Variants in CTNNBL1 observed in about 807,000 individuals in gnomAD.
CTNNBL1 encodes the protein catenin beta like 1.
In CTNNBL1, 31 loss-of-function variants were observed where a neutral mutation model predicts 72.7. That is an observed-to-expected ratio of 0.43 (90% CI 0.32 to 0.58). CTNNBL1 has a LOEUF of 0.58. Among genes scored for constraint, CTNNBL1 ranks in the 20% least tolerant of loss-of-function variants. The pLI, the probability that CTNNBL1 is intolerant of heterozygous loss-of-function variation, is 0.08. For synonymous variants in CTNNBL1, 240 were observed against 267.3 expected (o/e 0.90, Z 1.00); for missense variants, 534 against 725.1 (o/e 0.74, Z 3.03).
intron 4 of CTNNBL1, among the ~76,000 whole-genome samples, chr20:37,749,217 C>T (rs1416077048): frequency 6.6e-6 from 1 of 152,186 alleles, no homozygotes; most frequent in Non-Finnish European, 1.5e-5. Context: ...GCATGGTCAC[C>T]TGTTACCCTG....
chr20:37,784,724 A>G (rs532934976), intron 10 of CTNNBL1, among the ~76,000 whole-genome samples: 1 of 152,270 alleles, frequency 6.6e-6, no homozygotes, highest in South Asian at 2.1e-4. Context: ...AATTATTTTA[A>G]TAGGTTCATC....
At chr20:37,823,462 G>A (rs1158334903) in intron 11 of CTNNBL1, among the ~76,000 whole-genome samples, 1 of 152,228 alleles carries the variant, frequency 6.6e-6, no homozygotes, top group African/African-American at 2.4e-5. Flanking sequence ...GTGTGAGTGT[G>A]TGTGGAGCTC....
chr20:37,781,933 A>G (rs909003782), intron 10 of CTNNBL1, among the ~76,000 whole-genome samples: 4 of 152,262 alleles, frequency 2.6e-5, no homozygotes, highest in African/African-American at 9.6e-5. Context: ...GTGGGTTTGG[A>G]ACATGCTCTT....
intron 7 of CTNNBL1, among the ~76,000 whole-genome samples, chr20:37,773,492 G>T (rs545443633): frequency 1.2e-4 from 19 of 152,322 alleles, no homozygotes; most frequent in African/African-American, 4.6e-4. Context: ...CAGGCTCCTG[G>T]ATAGAAGAGA....
At chr20:37,747,276 G>A (rs980446439) in intron 4 of CTNNBL1, among the ~76,000 whole-genome samples, 4 of 150,324 alleles carry the variant, frequency 2.7e-5, no homozygotes, top group Non-Finnish European at 5.9e-5. Context: ...TCGGGAGGCT[G>A]AGGCAGGAAA....
At chr20:37,860,373 C>T in intron 15 of CTNNBL1, 29 bp downstream of exon 15, 1 of 1,535,668 alleles carries the variant, frequency 6.5e-7, no homozygotes, top group Non-Finnish European at 9.0e-7. Flanking sequence ...ATGTCTGGGG[C>T]TCCAGAGGAT....
At chr20:37,768,990 G>C (rs1189079131) in intron 7 of CTNNBL1, among the ~76,000 whole-genome samples, 1 of 152,136 alleles carries the variant, frequency 6.6e-6, no homozygotes, top group Admixed American at 6.5e-5. Context: ...TGTTGGCCAG[G>C]CTAGTCTCGA....
chr20:37,741,878 C>T (rs532662909), intron 3 of CTNNBL1, among the ~76,000 whole-genome samples: 1 of 152,240 alleles, frequency 6.6e-6, no homozygotes, highest in Admixed American at 6.5e-5. Flanking sequence ...TGATAATTTT[C>T]TGACTTCCTA....
intron 1 of CTNNBL1, among the ~76,000 whole-genome samples, chr20:37,732,103 T>C (rs1256152661): frequency 6.6e-6 from 1 of 152,268 alleles, no homozygotes; most frequent in Non-Finnish European, 1.5e-5. Flanking sequence ...ATAGCCATTC[T>C]GATAGGTGTG....
intron 10 of CTNNBL1, among the ~76,000 whole-genome samples, chr20:37,787,446 G>A (rs2073687171): frequency 1.4e-5 from 2 of 145,388 alleles, no homozygotes; most frequent in Non-Finnish European, 3.0e-5. Context: ...CCGGGTTCAC[G>A]CCATTCTCCT....
intron 7 of CTNNBL1, among the ~76,000 whole-genome samples, chr20:37,768,334 A>G (rs1195809276): frequency 1.3e-5 from 2 of 152,216 alleles, no homozygotes; most frequent in Non-Finnish European, 2.9e-5. Flanking sequence ...TCCACTTCTC[A>G]GAGGCAGTCA....
At chr20:37,724,580 G>T (rs2073067417) in intron 1 of CTNNBL1, among the ~76,000 whole-genome samples, 1 of 152,074 alleles carries the variant, frequency 6.6e-6, no homozygotes, top group African/African-American at 2.4e-5. Flanking sequence ...GAAAGCCCTG[G>T]CATATGCCTG....
At chr20:37,724,830 T>C (rs1047577916) in intron 1 of CTNNBL1, among the ~76,000 whole-genome samples, 1 of 152,142 alleles carries the variant, frequency 6.6e-6, no homozygotes, top group African/African-American at 2.4e-5. Flanking sequence ...TAGATAGTAA[T>C]TTATTTGTTT....
Position 37,842,423 on chromosome 20 carries a change from T to C in CTNNBL1, c.1392+4T>C, listed in dbSNP as rs749832380. The C allele has an allele frequency of 1.2e-6, 2 of 1,609,372 alleles. No individual in the cohort carries two copies. Among genetic ancestry groups the C allele is most frequent in the Non-Finnish European group, 1.7e-6 (2 of 1,175,788 alleles). The stretch of plus-strand genomic sequence containing the variant: ...GAAGATTGAAGGGGAAAAACACGTA[T>C]GTATCCCTGCCTCACTTTTGCCAGC... On this transcript the variant is annotated splice_donor_region_variant and intron_variant, in intron 13 of 15. Transcript: ENST00000361383.
chr20:37,763,307 C>G (rs959007193), intron 5 of CTNNBL1, among the ~76,000 whole-genome samples: 1 of 152,160 alleles, frequency 6.6e-6, no homozygotes, highest in African/African-American at 2.4e-5. Context: ...CTTTTGCTGG[C>G]TGTGAGATTT....
At chr20:37,700,871 C>T (rs2072835218) in intron 1 of CTNNBL1, among the ~76,000 whole-genome samples, 1 of 152,184 alleles carries the variant, frequency 6.6e-6, no homozygotes, top group South Asian at 2.1e-4. Flanking sequence ...ATTGCAGACA[C>T]CCACTCCTCT....
At chr20:37,870,048 G>A (rs929789522) in intron 15 of CTNNBL1, among the ~76,000 whole-genome samples, 9 of 151,726 alleles carry the variant, frequency 5.9e-5, no homozygotes, top group African/African-American at 2.2e-4. Flanking sequence ...TGTTATTTTG[G>A]GGGACGAGGA....
At chr20:37,838,809 C>A (rs2072276763) in intron 11 of CTNNBL1, among the ~76,000 whole-genome samples, 1 of 152,142 alleles carries the variant, frequency 6.6e-6, no homozygotes, top group African/African-American at 2.4e-5. Context: ...ATTGATTGAG[C>A]CTTAGAGGTT....
At chr20:37,702,324 C>T (rs1568742624) in intron 1 of CTNNBL1, among the ~76,000 whole-genome samples, 6 of 152,104 alleles carry the variant, frequency 3.9e-5, no homozygotes, top group Non-Finnish European at 1.5e-5. Context: ...TTATTATGTG[C>T]CTCATAAGGT....
Sources: allele counts gnomAD v4.1 joint callset (sites outside exome capture counted in the v4.1 genomes callset), GRCh38; gene constraint gnomAD v4.1.1; transcripts MANE v1.5; gene names NCBI Gene and HGNC (gene_info 2026-07-23, HGNC 2026-07-21).